Variants in ADCY1 observed in about 807,000 individuals in gnomAD.
ADCY1 encodes the protein adenylate cyclase type 1.
Under a neutral mutation model 105.4 loss-of-function variants are expected in ADCY1, and 28 were observed. The observed-to-expected ratio is 0.27, with a 90% CI of 0.20 to 0.36. ADCY1 has a LOEUF of 0.36. Among genes scored for constraint, ADCY1 ranks in the 10% least tolerant of loss-of-function variants. ADCY1 has a pLI of 1.00. For synonymous variants in ADCY1, 655 were observed against 623.8 expected, an observed-to-expected ratio of 1.05 and a Z score of -0.75; for missense variants, 977 against 1,434.2, an observed-to-expected ratio of 0.68 and a Z score of 5.15.
chr7:45,632,540 A>G (rs1794285929), intron 4 of ADCY1, among the ~76,000 whole-genome samples: 1 of 122,430 alleles, frequency 8.2e-6, no homozygotes, highest in Non-Finnish European at 1.9e-5. Flanking sequence ...TTTCTCAGAA[A>G]TGTATAGTTT....
intron 3 of ADCY1, among the ~76,000 whole-genome samples, chr7:45,611,269 ATCT>A (rs1479241683): frequency 1.3e-5 from 2 of 151,964 alleles, no homozygotes; most frequent in African/African-American, 4.8e-5. Context: ...TCAGGTGGAC[ATCT>A]GCCTAGCAGG....
chr7:45,588,622 T>G (rs2115754764), intron 1 of ADCY1, among the ~76,000 whole-genome samples: 1 of 152,020 alleles, frequency 6.6e-6, no homozygotes, highest in Admixed American at 6.5e-5. Context: ...TTTCAGGTGG[T>G]GCACAGTCAA....
At chr7:45,599,457 C>T (rs1793164123) in intron 2 of ADCY1, among the ~76,000 whole-genome samples, 1 of 150,844 alleles carries the variant, frequency 6.6e-6, no homozygotes, top group Non-Finnish European at 1.5e-5. Flanking sequence ...TCACAGTTTG[C>T]TCTGTATCAG....
intron 2 of ADCY1, among the ~76,000 whole-genome samples, chr7:45,608,023 T>G (rs1356064484): frequency 6.6e-6 from 1 of 152,252 alleles, no homozygotes; most frequent in East Asian, 1.9e-4. Context: ...CAAATTACTT[T>G]CCACAGTGGC....
chr7:45,636,647 TC>T (rs1482113946), intron 4 of ADCY1, among the ~76,000 whole-genome samples: 1 of 152,208 alleles, frequency 6.6e-6, no homozygotes, highest in Non-Finnish European at 1.5e-5. Context: ...TTCAAGAGAT[TC>T]TCCTGCCTCA....
In ADCY1 at chr7:45,625,447, ATGTG is replaced by A. The variant is rs1175534041; in HGVS notation, c.1020+2709_1020+2712del. ...TATTGAGATGTGTGTGCCTGTACAT[ATGTG>A]TGTGAGTGTGCACATATGTGAGCAT... is the stretch of plus-strand genomic sequence containing the variant. On this transcript the variant is annotated intron_variant, in intron 4 of 19. Coordinates refer to ENST00000297323, the MANE Select transcript of ADCY1 (RefSeq NM_021116.4). Among the ~76,000 whole-genome samples, 22 of 152,248 alleles carry A rather than the reference ATGTG, an allele frequency of 1.4e-4. No homozygotes were observed. The South Asian group carries it at 3.9e-3, about 27-fold the overall frequency.
At position 45,722,670 on chromosome 7, in the gene ADCY1, G is replaced by C. The variant is rs569097492; in HGVS notation, c.*8675G>C. On this transcript the variant is annotated 3_prime_UTR_variant, in exon 20 of 20. Transcript: ENST00000297323. ...TTCTCGACTGTCCGAGAAAAGTTGT[G>C]TAAGCGCCTGCGTTCTTCTGGGTTT... 6.6e-6 allele frequency: 1 copy of C among 152,374 alleles called. No homozygotes were observed. 9.4% of individuals were successfully genotyped at this position (152,374 alleles called of 1,614,324 possible). A position where few individuals can be genotyped will look rare whatever the true frequency, so the allele number is the denominator to read the frequency against.
At chr7:45,665,909 G>C (rs1180167289) in intron 8 of ADCY1, among the ~76,000 whole-genome samples, 1 of 152,168 alleles carries the variant, frequency 6.6e-6, no homozygotes, top group Non-Finnish European at 1.5e-5. Flanking sequence ...TAAATCTTAC[G>C]AGGATAGCCT....
intron 8 of ADCY1, among the ~76,000 whole-genome samples, chr7:45,672,580 T>C (rs1174745265): frequency 2.0e-5 from 3 of 152,184 alleles, no homozygotes; most frequent in Non-Finnish European, 4.4e-5. Context: ...TTATAAATCA[T>C]ACTACATTTT....
Position 45,622,788 on chromosome 7 carries a change from T to G in ADCY1, c.1020+45T>G, listed in dbSNP as rs1343507029. 4 of 1,501,418 alleles carry G rather than the reference T, an allele frequency of 2.7e-6. No individual in the cohort carries two copies. In the South Asian group the frequency reaches 4.7e-5, roughly 18 times the overall value. 93.0% of individuals were successfully genotyped at this position (1,501,418 alleles called of 1,614,324 possible). On this transcript the variant is annotated intron_variant, in intron 4 of 19. Coordinates refer to ENST00000297323, the MANE Select transcript of ADCY1 (RefSeq NM_021116.4). Reference sequence around the variant, plus strand: ...TTGTTCGAATTAAATTAGAATTGCTTCTGGAGTGACGATAAGCCAGGTGGA... The same window carrying G: ...TTGTTCGAATTAAATTAGAATTGCTGCTGGAGTGACGATAAGCCAGGTGGA...
chr7:45,649,482 C>T (rs1794755022), intron 5 of ADCY1, among the ~76,000 whole-genome samples: 1 of 152,154 alleles, frequency 6.6e-6, no homozygotes, highest in Non-Finnish European at 1.5e-5. Flanking sequence ...ATGGGGCCAA[C>T]AGGGATTGGG....
intron 1 of ADCY1, among the ~76,000 whole-genome samples, chr7:45,585,972 G>A (rs1792710719): frequency 6.6e-6 from 1 of 152,082 alleles, no homozygotes; most frequent in Admixed American, 6.6e-5. Flanking sequence ...TTGATCTTCT[G>A]GGCAGGGATG....
chr7:45,697,390 T>G (rs1209536377), intron 14 of ADCY1, among the ~76,000 whole-genome samples: 3 of 149,694 alleles, frequency 2.0e-5, no homozygotes, highest in African/African-American at 7.4e-5. Context: ...CTTTACCTTT[T>G]TTTTTTTTTT....
chr7:45,621,032 A>G lies in ADCY1; in HGVS notation c.909-1600A>G, dbSNP rs185806924. The stretch of plus-strand genomic sequence containing the variant: ...CTCTGCATGTTTGCCCCTTCCCTGA[A>G]TAGAATGGAGTCTTTCTGAGGGCAG... On this transcript the variant is annotated intron_variant, in intron 3 of 19. Transcript: ENST00000297323. Among the ~76,000 whole-genome samples the G allele has an allele frequency of 1.3e-3, 195 of 152,154 alleles. 1 individual carries two copies. Among genetic ancestry groups the G allele is most frequent in the Non-Finnish European group, 1.6e-3 (107 of 68,004 alleles).
intron 8 of ADCY1, among the ~76,000 whole-genome samples, chr7:45,667,969 C>T (rs1784293217): frequency 6.6e-6 from 1 of 152,172 alleles, no homozygotes; most frequent in Admixed American, 6.5e-5. Context: ...GATTTTTGCA[C>T]ATTGATTTTG....
At chr7:45,655,131 G>A (rs1458496454) in intron 5 of ADCY1, among the ~76,000 whole-genome samples, 1 of 152,224 alleles carries the variant, frequency 6.6e-6, no homozygotes, top group Non-Finnish European at 1.5e-5. Context: ...CTCAGTAGAT[G>A]TTTGTTGAAC....
chr7:45,706,172 T>C (rs936791031), intron 17 of ADCY1, among the ~76,000 whole-genome samples: 2 of 152,200 alleles, frequency 1.3e-5, no homozygotes, highest in African/African-American at 4.8e-5. Context: ...TCCACCACCA[T>C]ATTCTGTGTC....
At chr7:45,672,469 A>T (rs1285291861) in intron 8 of ADCY1, among the ~76,000 whole-genome samples, 1 of 151,360 alleles carries the variant, frequency 6.6e-6, no homozygotes, top group Non-Finnish European at 1.5e-5. Context: ...ATTTATTTAG[A>T]TTTTCTTCGA....
intron 14 of ADCY1, among the ~76,000 whole-genome samples, chr7:45,694,705 C>G (rs936480006): frequency 6.6e-6 from 1 of 152,186 alleles, no homozygotes; most frequent in African/African-American, 2.4e-5. Flanking sequence ...TCCTTTGGGT[C>G]TTGCTTTTCA....
Sources: gnomAD v4.1 joint callset for allele counts (sites outside exome capture counted in the v4.1 genomes callset) on GRCh38, gnomAD v4.1.1 for gene constraint, MANE v1.5 for transcripts, NCBI Gene and HGNC (gene_info 2026-07-23, HGNC 2026-07-21) for gene names.